GCN1: variants seen among roughly 807,000 people sequenced by gnomAD.
GCN1 encodes GCN1 activator of EIF2AK4.
A neutral mutation model predicts 288.4 loss-of-function variants in GCN1; 90 were observed. The observed-to-expected ratio is 0.31, with a 90% CI of 0.26 to 0.37. GCN1 has a LOEUF of 0.37. Among genes scored for constraint, GCN1 ranks in the 10% least tolerant of loss-of-function variants. The pLI is 1.00. For missense variants in GCN1, 2,586 were observed against 3,419.9 expected, an observed-to-expected ratio of 0.76 and a Z score of 6.08; for synonymous variants, 1,386 against 1,420.2, an observed-to-expected ratio of 0.98 and a Z score of 0.54.
intron 38 of GCN1, among the ~76,000 whole-genome samples, chr12:120,146,676 TC>T (rs1877373557): frequency 6.6e-6 from 1 of 152,058 alleles, no homozygotes; most frequent in Non-Finnish European, 1.5e-5. Flanking sequence ...GACAGTGAGA[TC>T]ACACATGCAA....
In GCN1 at chr12:120,170,198, A is replaced by G; in HGVS notation, c.1490T>C (p.Leu497Ser). ...TEGVAAALLL[L>S]KLSVADSQAE... ...CTGTGAGTCAGCCACTGACAACTTT[A>G]AGAGCAACAAGGCTGCGGCAACCCC... Residue 497 changes from leucine (L) to serine (S), a missense_variant, in exon 15 of 58, where the codon TTA becomes TCA. By Grantham distance (145) the Leu-to-Ser change is moderately radical (BLOSUM62 -2). Transcript: ENST00000300648. The G allele has an allele frequency of 1.2e-6, 2 of 1,614,180 alleles. No individual in the cohort carries two copies. Among genetic ancestry groups the G allele is most frequent in the Non-Finnish European group, 1.7e-6 (2 of 1,180,004 alleles).
Position 120,189,571 on chromosome 12 carries a change from G to T in GCN1, c.121+727C>A, listed in dbSNP as rs181395758. On this transcript the variant is annotated intron_variant, in intron 2 of 57. Transcript: ENST00000300648. ...TTTAATAGAGACGGGGTTTCACCAT[G>T]TTGGCCAGGATGGTCTCAAACTCCT... Among the ~76,000 whole-genome samples the T allele has an allele frequency of 5.0e-3, 754 of 150,284 alleles. 10 individuals are homozygous for T. The highest frequency in any genetic ancestry group is 5.8e-3 in the Non-Finnish European group (389 of 67,646).
At chr12:120,150,456 A>G (rs1877505511) in intron 34 of GCN1, among the ~76,000 whole-genome samples, 1 of 151,454 alleles carries the variant, frequency 6.6e-6, no homozygotes, top group Admixed American at 6.6e-5. Flanking sequence ...TTAGCTGGGT[A>G]TGGTGGTGGG....
chr12:120,129,330 G>A lies in GCN1; in HGVS notation c.7836C>T (p.Ser2612=), dbSNP rs771447541. ...KDKNTVVRAY[S]DQAIVNLLKM... ...TGAGGAGGTTGACAATTGCCTGGTC[G>A]CTGTAGGCCCTGACCACGGTGTTCT... Residue 2612 remains serine, a synonymous_variant, in exon 57 of 58, where the codon AGC becomes AGT. Coordinates refer to ENST00000300648, the MANE Select transcript of GCN1 (RefSeq NM_006836.2). 19 of 1,614,054 alleles carry A rather than the reference G, an allele frequency of 1.2e-5. No individual in the cohort carries two copies. Among genetic ancestry groups the A allele is most frequent in the Admixed American group, 3.3e-5 (2 of 60,004 alleles).
At chr12:120,173,594 C>T in intron 14 of GCN1, 59 bp downstream of exon 14, 1 of 985,418 alleles carries the variant, frequency 1.0e-6, no homozygotes, top group South Asian at 1.4e-5. Context: ...TAACAATACC[C>T]TAAAGACTCA....
At position 120,127,837 on chromosome 12, in the gene GCN1, G is replaced by A; in HGVS notation, c.*12C>T. ...GATGTGGAGCGGCAATGCTGCTGCTGGCCCAGGCCTCTCATGTCAGGATGG... is the reference window on the plus strand; with the variant it reads ...GATGTGGAGCGGCAATGCTGCTGCTAGCCCAGGCCTCTCATGTCAGGATGG... On this transcript the variant is annotated 3_prime_UTR_variant, in exon 58 of 58. Coordinates refer to ENST00000300648, the MANE Select transcript of GCN1 (RefSeq NM_006836.2). The A allele has an allele frequency of 1.9e-6, 3 of 1,611,228 alleles. No homozygotes were observed. Among genetic ancestry groups the A allele is most frequent in the Non-Finnish European group, 2.5e-6 (3 of 1,177,698 alleles).
At chr12:120,130,987 C>G (rs905076799) in intron 55 of GCN1, among the ~76,000 whole-genome samples, 198 bp downstream of exon 55, 1 of 152,150 alleles carries the variant, frequency 6.6e-6, no homozygotes, top group Non-Finnish European at 1.5e-5. Flanking sequence ...ATTCTTCAAC[C>G]CAAATTCCTT....
Position 120,158,057 on chromosome 12 carries a change from T to C in GCN1, c.2906-27A>G. 1.9e-6 allele frequency: 3 copies of C among 1,610,104 alleles called. No homozygotes were observed. The highest frequency in any genetic ancestry group is 2.5e-6 in the Non-Finnish European group (3 of 1,177,360). ...TGTGAGAGCGAGAAGCAGATAAGATTCTGCAGGCAGGGCAGGGACCCGGGC... is the reference window on the plus strand; with the variant it reads ...TGTGAGAGCGAGAAGCAGATAAGATCCTGCAGGCAGGGCAGGGACCCGGGC... On this transcript the variant is annotated intron_variant, in intron 25 of 57. Transcript: ENST00000300648. The surrounding 1 kb of genome is among the most constrained non-coding windows in gnomAD (Gnocchi z 4.3).
chr12:120,138,213 C>T lies in GCN1; in HGVS notation c.6249+110G>A, dbSNP rs1192654009. 24 of 931,242 alleles carry T rather than the reference C, an allele frequency of 2.6e-5. 1 individual carries two copies. In the South Asian group the frequency reaches 3.1e-4, roughly 12 times the overall value. The allele number at this position is 931,242 out of a possible 1,614,324, so 57.7% of individuals were successfully genotyped here. ...GAAGGATGTAATGCTTGCACTGCAC[C>T]CTCCTCCCCCAGCCCTCCAACATCT... On this transcript the variant is annotated intron_variant, in intron 47 of 57. Transcript: ENST00000300648.
intron 7 of GCN1, among the ~76,000 whole-genome samples, chr12:120,178,186 T>C (rs960448729): frequency 3.3e-5 from 5 of 152,298 alleles, no homozygotes; most frequent in African/African-American, 1.2e-4. Context: ...ATCAGGTCCT[T>C]CCGTTGTGGA....
At chr12:120,136,789 T>G in intron 50 of GCN1, 57 bp from the exon 51 acceptor site, 1 of 1,334,572 alleles carries the variant, frequency 7.5e-7, no homozygotes, top group Non-Finnish European at 1.1e-6. Context: ...CCCTGGTGTC[T>G]CCCATGCAAG....
rs1339624654 is a variant in GCN1, at chr12:120,194,714, C to G, written c.-17G>C. 1 of 1,499,470 alleles carries G rather than the reference C, an allele frequency of 6.7e-7. No homozygotes were observed. 92.9% of individuals were successfully genotyped at this position (1,499,470 alleles called of 1,614,324 possible). A position where few individuals can be genotyped will look rare whatever the true frequency, so the allele number is the denominator to read the frequency against. ...CGCCGCCATCCTGCCGGGGCTGACT[C>G]CGGAACCGCTTCCGGAACGCTTCCG... is the stretch of plus-strand genomic sequence containing the variant. On this transcript the variant is annotated 5_prime_UTR_variant, in exon 1 of 58. Transcript: ENST00000300648.
intron 44 of GCN1, among the ~76,000 whole-genome samples, chr12:120,141,269 C>T (rs1425573022): frequency 6.6e-6 from 1 of 152,204 alleles, no homozygotes; most frequent in African/African-American, 2.4e-5. Context: ...CAGCACCTTA[C>T]ACATGTACAA....
intron 37 of GCN1, 46 bp from the exon 38 acceptor site, chr12:120,147,318 G>T: frequency 8.9e-7 from 1 of 1,128,262 alleles, no homozygotes; most frequent in Non-Finnish European, 1.3e-6. Flanking sequence ...CATCTATGCA[G>T]CTGCAAGGCC....
At chr12:120,159,800 C>T (rs760263098) in intron 24 of GCN1, 25 bp downstream of exon 24, 2 of 1,609,600 alleles carry the variant, frequency 1.2e-6, no homozygotes, top group Non-Finnish European at 1.7e-6. Context: ...TGGGCCATCC[C>T]TGCAGCCAGC....
At chr12:120,181,739 T>G (rs1594288183) in intron 5 of GCN1, among the ~76,000 whole-genome samples, 1 of 148,636 alleles carries the variant, frequency 6.7e-6, no homozygotes, top group South Asian at 2.1e-4. Flanking sequence ...CTTGGGAGGC[T>G]GAGGCAGGAG....
chr12:120,142,784 A>C lies in GCN1; in HGVS notation c.5613+40T>G, dbSNP rs750619444. On this transcript the variant is annotated intron_variant, in intron 43 of 57. Coordinates refer to ENST00000300648, the MANE Select transcript of GCN1 (RefSeq NM_006836.2). The surrounding 1 kb of genome is among the most constrained non-coding windows in gnomAD (Gnocchi z 4.9). ...CTCTATGGCATGGGCATCAGGGCAC[A>C]CCCTACCATCAGCAGGGGCAGGAAA... 21 of 1,589,320 alleles carry C rather than the reference A, an allele frequency of 1.3e-5. No homozygotes were observed. Among genetic ancestry groups the C allele is most frequent in the Non-Finnish European group, 1.7e-5 (20 of 1,159,906 alleles).
At chr12:120,183,924 T>C (rs539589694) in intron 4 of GCN1, among the ~76,000 whole-genome samples, 188 bp downstream of exon 4, 1 of 152,352 alleles carries the variant, frequency 6.6e-6, no homozygotes, top group South Asian at 2.1e-4. Context: ...ATTAGGGGCC[T>C]GGTGGGCAAC....
chr12:120,147,207 T>C lies in GCN1; in HGVS notation c.4792A>G (p.Thr1598Ala). Residue 1598 changes from threonine to alanine, a missense_variant, in exon 38 of 58, where the codon ACC becomes GCC. By Grantham distance (58) the Thr-to-Ala change is moderately conservative (BLOSUM62 0). Transcript: ENST00000300648. ...PSRKTQKCLQ[T>A]LLDTKFVHFI... The stretch of plus-strand genomic sequence containing the variant: ...TGGACAAACTTGGTGTCCAGCAGGG[T>C]CTGCAAGCACTTCTGGGTCTTCCTG... The C allele has an allele frequency of 1.2e-6, 2 of 1,613,126 alleles. No individual in the cohort carries two copies. Among genetic ancestry groups the C allele is most frequent in the South Asian group, 2.2e-5 (2 of 90,946 alleles).
Sources: allele counts gnomAD v4.1 joint callset (sites outside exome capture counted in the v4.1 genomes callset), GRCh38; gene constraint gnomAD v4.1.1; non-coding constraint Gnocchi (gnomAD v3.1); transcripts MANE v1.5; gene names NCBI Gene and HGNC (gene_info 2026-07-23, HGNC 2026-07-21).